The following APBB2 variants were observed in gnomAD, a reference collection of about 807,000 sequenced individuals.
APBB2 encodes amyloid beta precursor protein binding family B member 2.
A neutral mutation model predicts 82.5 loss-of-function variants in APBB2; 38 were observed. The observed-to-expected ratio is 0.46, with a 90% confidence interval of 0.36 to 0.60. The LOEUF is 0.60. Among genes scored for constraint, APBB2 ranks in the 20% least tolerant of loss-of-function variants. The probability of loss-of-function intolerance (pLI) is 0.00; values close to 1 mark genes in which losing one functional copy is unlikely to be tolerated. For missense variants in APBB2, 772 were observed against 972.3 expected, an observed-to-expected ratio of 0.79 and a Z score of 2.74; for synonymous variants, 341 against 368.2, an observed-to-expected ratio of 0.93 and a Z score of 0.85.
intron 1 of APBB2, among the ~76,000 whole-genome samples, chr4:41,169,427 G>A (rs1449773735): frequency 3.3e-5 from 4 of 122,680 alleles, no homozygotes; most frequent in Admixed American, 2.4e-4. Context: ...ATGGCCACCT[G>A]GAAGGTTTCC....
chr4:40,867,455 AG>A (rs1468104318), intron 12 of APBB2, among the ~76,000 whole-genome samples: 1 of 152,216 alleles, frequency 6.6e-6, no homozygotes, highest in East Asian at 1.9e-4. Context: ...TAAACAAAAT[AG>A]GCTCAGAGGG....
At chr4:41,155,074 T>A (rs1763134604) in intron 1 of APBB2, among the ~76,000 whole-genome samples, 1 of 152,214 alleles carries the variant, frequency 6.6e-6, no homozygotes, top group Non-Finnish European at 1.5e-5. Flanking sequence ...TTAACGGGTT[T>A]GGTCATCATT....
At chr4:41,116,040 A>G (rs1298607294) in intron 2 of APBB2, among the ~76,000 whole-genome samples, 1 of 152,254 alleles carries the variant, frequency 6.6e-6, no homozygotes, top group Non-Finnish European at 1.5e-5. Context: ...CACAGTTCAC[A>G]ATAGCAGAGA....
chr4:41,110,186 G>T (rs1221754712), intron 2 of APBB2, among the ~76,000 whole-genome samples: 1 of 152,218 alleles, frequency 6.6e-6, no homozygotes, highest in African/African-American at 2.4e-5. Flanking sequence ...CATGCAAGCC[G>T]GAATGCAAGG....
chr4:40,825,458 G>C (rs1749572945), intron 15 of APBB2, among the ~76,000 whole-genome samples: 1 of 152,218 alleles, frequency 6.6e-6, no homozygotes, highest in Admixed American at 6.5e-5. Flanking sequence ...TGAGCTGAAT[G>C]CTGTGTGTGC....
chr4:41,200,351 A>T (rs9291386), intron 1 of APBB2, among the ~76,000 whole-genome samples: 29,697 of 152,080 alleles, frequency 0.2, 3,887 homozygotes, highest in African/African-American at 0.37. Context: ...ATAATTCAAT[A>T]ATTTTGGAAG....
At chr4:41,027,364 CATATATATATATATATATATAT>C (rs36224955) in intron 5 of APBB2, among the ~76,000 whole-genome samples, 42,255 of 127,602 alleles carry the variant, frequency 0.33, 8,135 homozygotes, top group East Asian at 0.57. Flanking sequence ...CATATTGTTA[CATATATATATATATATATATAT>C]ATATATATAT....
intron 10 of APBB2, among the ~76,000 whole-genome samples, chr4:40,922,963 C>T (rs1267408957): frequency 7.0e-6 from 1 of 143,154 alleles, no homozygotes; most frequent in Non-Finnish European, 1.5e-5. Flanking sequence ...ACCATCAGTT[C>T]TCCATCAATT....
chr4:41,009,346 T>C (rs1807677072), intron 6 of APBB2, among the ~76,000 whole-genome samples: 1 of 151,972 alleles, frequency 6.6e-6, no homozygotes, highest in African/African-American at 2.4e-5. Context: ...AAAATAGTCA[T>C]TTCACAGATG....
chr4:40,969,288 T>A (rs879785468), intron 6 of APBB2, among the ~76,000 whole-genome samples: 4 of 152,214 alleles, frequency 2.6e-5, no homozygotes, highest in Non-Finnish European at 5.9e-5. Context: ...TTAAGGACCC[T>A]GAAGTTACAT....
At chr4:40,912,379 C>T (rs1021763204) in intron 10 of APBB2, among the ~76,000 whole-genome samples, 7 of 152,190 alleles carry the variant, frequency 4.6e-5, no homozygotes, top group African/African-American at 1.2e-4. Flanking sequence ...GAGTTCGAGA[C>T]CAGCCTGGCC....
chr4:41,100,221 C>T (rs1744884231), intron 3 of APBB2, among the ~76,000 whole-genome samples: 1 of 152,134 alleles, frequency 6.6e-6, no homozygotes, highest in South Asian at 2.1e-4. Flanking sequence ...AGAACCAAGT[C>T]GATTTCATAC....
chr4:41,037,834 A>G (rs958965134), intron 4 of APBB2, among the ~76,000 whole-genome samples: 1 of 152,108 alleles, frequency 6.6e-6, no homozygotes, highest in African/African-American at 2.4e-5. Context: ...CCTGGCCAAC[A>G]TGTGAAACCC....
chr4:41,054,582 G>A (rs539499746), intron 4 of APBB2, among the ~76,000 whole-genome samples: 2 of 152,230 alleles, frequency 1.3e-5, no homozygotes, highest in South Asian at 4.1e-4. Context: ...AATATCAAAA[G>A]CATCCACTAC....
At chr4:40,862,973 C>A (rs1349070554) in intron 12 of APBB2, among the ~76,000 whole-genome samples, 2 of 151,886 alleles carry the variant, frequency 1.3e-5, no homozygotes, top group African/African-American at 4.8e-5. Context: ...GATTTGGAGG[C>A]AGGTGTTCAG....
chr4:41,183,705 T>C (rs1373195038), intron 1 of APBB2, among the ~76,000 whole-genome samples: 2 of 151,778 alleles, frequency 1.3e-5, no homozygotes, highest in Admixed American at 6.6e-5. Flanking sequence ...ACCAATAACC[T>C]GAGTCAGACT....
chr4:41,208,476 G>A (rs1402627421), intron 1 of APBB2, among the ~76,000 whole-genome samples: 1 of 152,116 alleles, frequency 6.6e-6, no homozygotes, highest in Admixed American at 6.5e-5. Context: ...TGGCCAGGCT[G>A]GTCTCAAACT....
intron 2 of APBB2, among the ~76,000 whole-genome samples, chr4:41,121,441 C>T (rs1752759623): frequency 6.6e-6 from 1 of 152,188 alleles, no homozygotes; most frequent in African/African-American, 2.4e-5. Flanking sequence ...TGGAAGAATA[C>T]CAGAGGGTAC....
chr4:40,909,521 G>A (rs1777981778), intron 10 of APBB2, among the ~76,000 whole-genome samples: 1 of 152,182 alleles, frequency 6.6e-6, no homozygotes, highest in South Asian at 2.1e-4. Context: ...TACAGAAACA[G>A]TTAATTGCAT....
Sources: gnomAD v4.1 joint callset for allele counts (sites outside exome capture counted in the v4.1 genomes callset) on GRCh38, gnomAD v4.1.1 for gene constraint, MANE v1.5 for transcripts, NCBI Gene and HGNC (gene_info 2026-07-23, HGNC 2026-07-21) for gene names.